The following ATP13A4 variants were observed in gnomAD, a reference collection of about 807,000 sequenced individuals.
The protein encoded by ATP13A4 is probable cation-transporting ATPase 13A4.
In ATP13A4, 114 loss-of-function variants were observed where a neutral mutation model predicts 142.5. That is an observed-to-expected ratio of 0.80 (90% confidence interval 0.69 to 0.93). ATP13A4 has a LOEUF of 0.93. Ranked by LOEUF, ATP13A4 falls within the 40% of genes least tolerant of loss-of-function variation. The pLI is 0.00. For synonymous variants in ATP13A4, 488 were observed against 514.8 expected, an observed-to-expected ratio of 0.95 and a Z score of 0.70; for missense variants, 1,392 against 1,454.0, an observed-to-expected ratio of 0.96 and a Z score of 0.69.
At chr3:193,460,720 G>A (rs1717899156) in intron 13 of ATP13A4, among the ~76,000 whole-genome samples, 1 of 152,196 alleles carries the variant, frequency 6.6e-6, no homozygotes, top group Non-Finnish European at 1.5e-5. Flanking sequence ...TCACTAGTCC[G>A]TAATTCTGAG....
intron 23 of ATP13A4, among the ~76,000 whole-genome samples, chr3:193,437,831 T>C (rs1716380032): frequency 7.0e-6 from 1 of 143,822 alleles, no homozygotes; most frequent in African/African-American, 2.6e-5. Flanking sequence ...AAAGATTTTT[T>C]TTTTTTTTTT....
At chr3:193,523,632 T>C (rs1284610142) in intron 1 of ATP13A4, among the ~76,000 whole-genome samples, 1 of 152,186 alleles carries the variant, frequency 6.6e-6, no homozygotes, top group African/African-American at 2.4e-5. Context: ...GGACAAAAGC[T>C]CCGGTGCTAG....
intron 1 of ATP13A4, among the ~76,000 whole-genome samples, chr3:193,590,824 A>C (rs1724750475): frequency 6.6e-6 from 1 of 152,210 alleles, no homozygotes; most frequent in Non-Finnish European, 1.5e-5. Context: ...AGAAAAGTAG[A>C]AGCACAAGCT....
intron 28 of ATP13A4, among the ~76,000 whole-genome samples, chr3:193,408,768 T>C (rs1714628583): frequency 6.6e-6 from 1 of 152,176 alleles, no homozygotes; most frequent in African/African-American, 2.4e-5. Context: ...TCTGAGATGC[T>C]ACACATCTAG....
chr3:193,520,714 T>C (rs1721669322), intron 1 of ATP13A4, among the ~76,000 whole-genome samples: 1 of 152,098 alleles, frequency 6.6e-6, no homozygotes, highest in Non-Finnish European at 1.5e-5. Context: ...TTATTAAAAA[T>C]AAAAAATAAT....
At chr3:193,591,984 A>C (rs1358315650) in intron 1 of ATP13A4, among the ~76,000 whole-genome samples, 1 of 152,096 alleles carries the variant, frequency 6.6e-6, no homozygotes, top group African/African-American at 2.4e-5. Flanking sequence ...AAATAAAGAA[A>C]ATTCTAAGAG....
intron 2 of ATP13A4, among the ~76,000 whole-genome samples, chr3:193,504,745 G>A (rs1017339898): frequency 6.6e-6 from 1 of 152,138 alleles, no homozygotes; most frequent in African/African-American, 2.4e-5. Context: ...GTAAGAAAAT[G>A]TATAATTTGT....
In ATP13A4 at chr3:193,429,929, A is replaced by T. The variant is rs1173154995; in HGVS notation, c.2842+3916T>A. Among the ~76,000 whole-genome samples, 6 of 152,182 alleles carry T rather than the reference A, an allele frequency of 3.9e-5. No individual in the cohort carries two copies. In the East Asian group the frequency reaches 1.2e-3, roughly 29 times the overall value. ...GGTTAGCTCTGGATAGTAAGATAAA[A>T]ATAGGTTTTTCTCTGTTATATCTTG... On this transcript the variant is annotated intron_variant, in intron 25 of 29. Coordinates refer to ENST00000342695, the MANE Select transcript of ATP13A4 (RefSeq NM_032279.4).
chr3:193,423,557 C>T (rs1300058064), intron 25 of ATP13A4, among the ~76,000 whole-genome samples: 1 of 149,692 alleles, frequency 6.7e-6, no homozygotes, highest in Non-Finnish European at 1.5e-5. Context: ...AAACATGATA[C>T]ATTACATCAA....
chr3:193,487,042 G>T (rs561178278), intron 7 of ATP13A4, among the ~76,000 whole-genome samples: 2 of 152,252 alleles, frequency 1.3e-5, no homozygotes, highest in Admixed American at 1.3e-4. Flanking sequence ...GCATTTTCAT[G>T]TTGTTTTGAC....
At chr3:193,451,385 G>A (rs1464559147) in intron 17 of ATP13A4, among the ~76,000 whole-genome samples, 1 of 152,222 alleles carries the variant, frequency 6.6e-6, no homozygotes, top group African/African-American at 2.4e-5. Flanking sequence ...TATGGTTCAA[G>A]GCACAATAAT....
chr3:193,442,073 A>G (rs1716675761), intron 19 of ATP13A4, among the ~76,000 whole-genome samples: 1 of 152,206 alleles, frequency 6.6e-6, no homozygotes, highest in Non-Finnish European at 1.5e-5. Flanking sequence ...CAAAGACTAG[A>G]TCCCCTTAGA....
intron 1 of ATP13A4, among the ~76,000 whole-genome samples, chr3:193,588,852 T>A (rs1724713895): frequency 6.6e-6 from 1 of 152,032 alleles, no homozygotes; most frequent in African/African-American, 2.4e-5. Flanking sequence ...AAAAAATATA[T>A]CCTCAGGCCT....
chr3:193,541,509 G>A (rs74692571), intron 1 of ATP13A4, among the ~76,000 whole-genome samples: 19,533 of 151,744 alleles, frequency 0.13, 1,383 homozygotes, highest in Non-Finnish European at 0.16. Context: ...CACCTTCAGG[G>A]ACCTGAAAAC....
intron 25 of ATP13A4, among the ~76,000 whole-genome samples, chr3:193,427,301 G>C (rs1715718239): frequency 6.6e-6 from 1 of 152,146 alleles, no homozygotes; most frequent in Non-Finnish European, 1.5e-5. Flanking sequence ...CGAAATAAAA[G>C]AGGACACAAA....
chr3:193,555,352 T>C (rs1299461392), upstream of ATP13A4, among the ~76,000 whole-genome samples: 2 of 152,226 alleles, frequency 1.3e-5, no homozygotes, highest in Non-Finnish European at 1.5e-5. Flanking sequence ...TTCATTTTGC[T>C]TACAAAAGGT....
chr3:193,474,763 GAGAA>G (rs770551896), intron 8 of ATP13A4, among the ~76,000 whole-genome samples: 65 of 149,850 alleles, frequency 4.3e-4, no homozygotes, highest in Non-Finnish European at 7.2e-4. Context: ...AAGAAAGAAA[GAGAA>G]AGAAAGAAAG....
At chr3:193,585,231 A>T (rs143602879) in intron 1 of ATP13A4, among the ~76,000 whole-genome samples, 1 of 151,258 alleles carries the variant, frequency 6.6e-6, no homozygotes, top group East Asian at 1.9e-4. Context: ...CAGACTGACC[A>T]ACATGGTGAA....
intron 25 of ATP13A4, chr3:193,416,931 A>AAAAAC (rs1405347407): frequency 6.6e-6 from 1 of 152,178 alleles, no homozygotes; most frequent in Admixed American, 6.5e-5. Flanking sequence ...TGAGCTATTA[A>AAAAAC]AAAACAAAAC....
Sources: gnomAD v4.1 joint callset for allele counts (sites outside exome capture counted in the v4.1 genomes callset) on GRCh38, gnomAD v4.1.1 for gene constraint, MANE v1.5 for transcripts, NCBI Gene and HGNC (gene_info 2026-07-23, HGNC 2026-07-21) for gene names.